The following RAB40A variants were observed in gnomAD, a reference collection of about 807,000 sequenced individuals.
RAB40A encodes ras-related protein Rab-40A.
For missense variants in RAB40A, 145 were observed against 230.2 expected (o/e 0.63, Z 2.40); for synonymous variants, 65 against 99.9 (o/e 0.65, Z 2.08).
Position 103,499,836 on chromosome X carries a change from T to C in RAB40A, c.*87A>G. 3.6e-6 allele frequency: 4 copies of C among 1,097,667 alleles called. No individual in the cohort carries two copies. Among genetic ancestry groups the C allele is most frequent in the Non-Finnish European group, 5.0e-6 (4 of 792,998 alleles). The allele number at this position is 1,097,667 out of a possible 1,213,427, so 90.5% of individuals were successfully genotyped here. On this transcript the variant is annotated 3_prime_UTR_variant, in exon 3 of 3. Coordinates refer to ENST00000304236, the MANE Select transcript of RAB40A (RefSeq NM_080879.3). The stretch of plus-strand genomic sequence containing the variant: ...CCGTGAGAAACTGAAAACTAATTTC[T>C]TGAATCTACAATGCGACTTCCATCT...
chrX:103,504,516 T>TA (rs1487560383), intron 2 of RAB40A, among the ~76,000 whole-genome samples: 10 of 111,038 alleles, frequency 9.0e-5, no homozygotes, highest in African/African-American at 9.8e-5. Context: ...TATATATATA[T>TA]TTTTATTTTA....
downstream of RAB40A, among the ~76,000 whole-genome samples, chrX:103,494,639 C>T (rs929737637): frequency 1.8e-5 from 2 of 111,852 alleles, no homozygotes; most frequent in East Asian, 2.8e-4. Flanking sequence ...CATTCTTCTG[C>T]GTATGGATTT....
rs758607476 is a variant in RAB40A, at chrX:103,500,798, T to C, written c.-42A>G. The C allele has an allele frequency of 8.4e-7, 1 of 1,186,797 alleles. No individual in the cohort carries two copies. The highest frequency in any genetic ancestry group is 1.9e-5 in the South Asian group (1 of 52,595). On this transcript the variant is annotated 5_prime_UTR_variant, in exon 3 of 3. Transcript: ENST00000304236. ...TCCCGCCTGAGCCAGGCCCGCGGGG[T>C]TGTGCGCAGAGGTGGTGCCGGGCCT...
In RAB40A at chrX:103,517,528, A is replaced by G. The variant is rs2073322808; in HGVS notation, c.-222-3T>C. 1.8e-5 allele frequency: 2 copies of G among 112,024 alleles called. No individual in the cohort carries two copies. The highest frequency in any genetic ancestry group is 6.5e-5 in the African/African-American group (2 of 30,805). The allele number at this position is 112,024 out of a possible 1,213,427, so 9.2% of individuals were successfully genotyped here. A position where few individuals can be genotyped will look rare whatever the true frequency, so the allele number is the denominator to read the frequency against. On this transcript the variant is annotated splice_region_variant and splice_polypyrimidine_tract_variant and intron_variant, in intron 1 of 2. Coordinates refer to ENST00000304236, the MANE Select transcript of RAB40A (RefSeq NM_080879.3). ...AGAACTCCTTCACCCACGTCACACT[A>G]GAAAGAAAATAAGAGAGCAGAGAGT... is the stretch of plus-strand genomic sequence containing the variant.
At chrX:103,496,597 A>G (rs1316089027), downstream of RAB40A, among the ~76,000 whole-genome samples, 2 of 112,858 alleles carry the variant, frequency 1.8e-5, no homozygotes, top group East Asian at 5.5e-4. Flanking sequence ...TAATTCCTTC[A>G]GAAAGAAATA....
chrX:103,514,864 T>C (rs2073308686), intron 2 of RAB40A, among the ~76,000 whole-genome samples: 1 of 112,208 alleles, frequency 8.9e-6, no homozygotes, highest in Admixed American at 9.5e-5. Context: ...ATTAATCAAG[T>C]AATCCTATTA....
chrX:103,495,155 A>G (rs1172202616), downstream of RAB40A, among the ~76,000 whole-genome samples: 1 of 111,433 alleles, frequency 9.0e-6, no homozygotes, highest in Non-Finnish European at 1.9e-5. Context: ...TGTGTATTTA[A>G]TTTTATTTAT....
At chrX:103,503,259 CAGAG>C in intron 2 of RAB40A, 2 of 753,641 alleles carry the variant, frequency 2.7e-6, no homozygotes, top group Non-Finnish European at 3.1e-6. Flanking sequence ...AGAAAGGTGA[CAGAG>C]AGGATAGAGG....
intron 2 of RAB40A, chrX:103,502,287 C>T: frequency 8.2e-6 from 1 of 122,598 alleles, no homozygotes; most frequent in Non-Finnish European, 1.9e-5. Context: ...ATTTAGCTGA[C>T]AATAAGGAGA....
At chrX:103,494,148 CTTG>C (rs1340208211), downstream of RAB40A, among the ~76,000 whole-genome samples, 1 of 112,004 alleles carries the variant, frequency 8.9e-6, no homozygotes, top group Non-Finnish European at 1.9e-5. Context: ...GAGATGATAT[CTTG>C]TTGTAGTTTG....
chrX:103,511,334 T>TA (rs1219900658), intron 2 of RAB40A, among the ~76,000 whole-genome samples: 9 of 106,048 alleles, frequency 8.5e-5, no homozygotes, highest in South Asian at 4.3e-4. Context: ...CCATCTCTAC[T>TA]AAAAAAAAAT....
chrX:103,500,159 T>G lies in RAB40A; in HGVS notation c.598A>C (p.Ile200Leu), dbSNP rs1357612739. 2 of 1,212,009 alleles carry G rather than the reference T, an allele frequency of 1.7e-6. No homozygotes were observed. Among genetic ancestry groups the G allele is most frequent in the Non-Finnish European group, 2.2e-6 (2 of 895,535 alleles). Residue 200 changes from isoleucine (I) to leucine (L), a missense_variant, in exon 3 of 3, where the codon ATC (isoleucine) becomes CTC (leucine). By Grantham distance (5) the Ile-to-Leu change is conservative. Transcript: ENST00000304236. ...LSLQDLCCRT[I>L]VSCTPVHLVD... ...AGATGCACAGGTGTGCAGGACACGATGGTGCGGCAGCAGAGGTCTTGCAAG... is the reference window on the plus strand; with the variant it reads ...AGATGCACAGGTGTGCAGGACACGAGGGTGCGGCAGCAGAGGTCTTGCAAG...
chrX:103,510,040 G>A (rs759180090), intron 2 of RAB40A, among the ~76,000 whole-genome samples: 4 of 111,373 alleles, frequency 3.6e-5, no homozygotes, highest in East Asian at 2.8e-4. Context: ...TCCTGACCTC[G>A]TGATCCACCC....
intron 2 of RAB40A, among the ~76,000 whole-genome samples, chrX:103,508,294 AAGGGGAGGTG>A (rs2073267431): frequency 9.0e-6 from 1 of 111,524 alleles, no homozygotes; most frequent in East Asian, 2.8e-4. Flanking sequence ...CCATCTTCTA[AAGGGGAGGTG>A]CTCAGGGTCT....
chrX:103,496,755 C>T (rs755999337), downstream of RAB40A, among the ~76,000 whole-genome samples: 23 of 112,539 alleles, frequency 2.0e-4, no homozygotes, highest in Admixed American at 1.6e-3. Flanking sequence ...TCCTGTAGCA[C>T]AGCCTTCACG....
the RAB40A span, among the ~76,000 whole-genome samples, chrX:103,493,964 G>A: frequency 1.8e-5 from 2 of 111,962 alleles, no homozygotes; most frequent in African/African-American, 3.2e-5. Flanking sequence ...GTGGGATTGC[G>A]GGTCATATGG....
chrX:103,503,541 A>C, intron 2 of RAB40A: 1 of 731,836 alleles, frequency 1.4e-6, no homozygotes, highest in Non-Finnish European at 1.6e-6. Context: ...CTGGCATCGT[A>C]GTTTGTCACT....
At chrX:103,494,498 CTT>C (rs965500508), downstream of RAB40A, among the ~76,000 whole-genome samples, 7 of 112,145 alleles carry the variant, frequency 6.2e-5, no homozygotes, top group South Asian at 7.5e-4. Flanking sequence ...CTCTAGAAAT[CTT>C]TGCCCAGACC....
downstream of RAB40A, among the ~76,000 whole-genome samples, chrX:103,497,940 A>T (rs897547839): frequency 9.8e-5 from 11 of 111,953 alleles, no homozygotes; most frequent in African/African-American, 1.6e-4. Flanking sequence ...TGCAATGATG[A>T]TTATCAGAGC....
Sources: gnomAD v4.1 joint callset for allele counts (sites outside exome capture counted in the v4.1 genomes callset) on GRCh38, gnomAD v4.1.1 for gene constraint, MANE v1.5 for transcripts, NCBI Gene and HGNC (gene_info 2026-07-23, HGNC 2026-07-21) for gene names.